The following OXR1 variants were observed in gnomAD, a reference collection of about 807,000 sequenced individuals.
OXR1 encodes the protein oxidation resistance protein 1.
OXR1 carries 41 observed loss-of-function variants against 104.6 expected under a neutral mutation model. That is an observed-to-expected ratio of 0.39 (90% confidence interval 0.31 to 0.51). OXR1 has a LOEUF of 0.51. Among genes scored for constraint, OXR1 ranks in the 20% least tolerant of loss-of-function variants. The pLI, the probability that OXR1 is intolerant of heterozygous loss-of-function variation, is 0.77. For synonymous variants in OXR1, 348 were observed against 348.4 expected (o/e 1.00, Z 0.01); for missense variants, 955 against 1,031.9 (o/e 0.93, Z 1.02).
chr8:106,311,508 G>C (rs1239587821), intron 1 of OXR1, among the ~76,000 whole-genome samples: 1 of 152,078 alleles, frequency 6.6e-6, no homozygotes, highest in Non-Finnish European at 1.5e-5. Flanking sequence ...TTTTTGTCCT[G>C]TGTGTGTTAA....
intron 2 of OXR1, among the ~76,000 whole-genome samples, chr8:106,384,896 G>A (rs1216266865): frequency 3.3e-5 from 5 of 151,664 alleles, no homozygotes; most frequent in African/African-American, 9.7e-5. Flanking sequence ...CATATTGTTA[G>A]TAGAGATGGG....
intron 2 of OXR1, among the ~76,000 whole-genome samples, chr8:106,391,170 G>T (rs941066037): frequency 2.6e-5 from 4 of 152,118 alleles, no homozygotes; most frequent in African/African-American, 7.2e-5. Context: ...GATGTGTGAT[G>T]ACTTGATAAT....
intron 3 of OXR1, chr8:106,658,153 G>A (rs1333591007): frequency 3.2e-6 from 4 of 1,245,054 alleles, no homozygotes; most frequent in Admixed American, 4.2e-5. Context: ...CCGCCCCACC[G>A]GCCCCCGGCG....
chr8:106,602,215 T>A (rs985807734), intron 3 of OXR1, among the ~76,000 whole-genome samples: 2 of 152,182 alleles, frequency 1.3e-5, no homozygotes, highest in African/African-American at 4.8e-5. Flanking sequence ...AATTGTTTTT[T>A]CTAAGCCACT....
At chr8:106,471,043 C>G (rs947307538) in intron 2 of OXR1, among the ~76,000 whole-genome samples, 12 of 151,590 alleles carry the variant, frequency 7.9e-5, no homozygotes, top group African/African-American at 2.7e-4. Flanking sequence ...AATATGAGTC[C>G]ATGCTTTTGA....
chr8:106,343,152 T>G lies in OXR1; in HGVS notation c.-138-16324T>G, dbSNP rs370786331. 1.1e-4 allele frequency among the ~76,000 whole-genome samples: 17 copies of G among 152,300 alleles called. 1 individual carries two copies. The highest frequency in any genetic ancestry group is 4.1e-4 in the African/African-American group (17 of 41,568). On this transcript the variant is annotated intron_variant, in intron 1 of 16. Coordinates refer to ENST00000517566, the MANE Select transcript of OXR1 (RefSeq NM_001198533.2). ...AGATTGTTATAATCTTCTCCCAGTTTGTCCTCCTGCCTTCTGTCAGACTCA... is the reference window on the plus strand; with the variant it reads ...AGATTGTTATAATCTTCTCCCAGTTGGTCCTCCTGCCTTCTGTCAGACTCA...
chr8:106,300,405 G>C (rs949577158), intron 1 of OXR1, among the ~76,000 whole-genome samples: 1 of 151,894 alleles, frequency 6.6e-6, no homozygotes, highest in African/African-American at 2.4e-5. Context: ...CATTTGGATA[G>C]AGTGACCTAG....
intron 2 of OXR1, among the ~76,000 whole-genome samples, chr8:106,363,963 G>A (rs901128440): frequency 4.6e-5 from 7 of 151,968 alleles, no homozygotes; most frequent in African/African-American, 1.4e-4. Flanking sequence ...TTAGAAAAGG[G>A]TCCATTATGT....
chr8:106,438,126 A>C (rs1017177556), intron 2 of OXR1, among the ~76,000 whole-genome samples: 4 of 152,162 alleles, frequency 2.6e-5, no homozygotes, highest in Admixed American at 6.6e-5. Context: ...CGTACATTGT[A>C]ATATGTGTGG....
chr8:106,506,889 A>G (rs1223800759), intron 2 of OXR1, among the ~76,000 whole-genome samples: 2 of 152,018 alleles, frequency 1.3e-5, no homozygotes, highest in Admixed American at 6.6e-5. Flanking sequence ...TCAGGAATTC[A>G]AGACCAAGCT....
intron 2 of OXR1, among the ~76,000 whole-genome samples, chr8:106,428,755 A>G (rs1294506437): frequency 2.0e-5 from 3 of 152,286 alleles, no homozygotes; most frequent in African/African-American, 7.2e-5. Context: ...AAACTGTCTA[A>G]TGACTGGATA....
intron 3 of OXR1, among the ~76,000 whole-genome samples, chr8:106,631,388 T>G (rs1263284439): frequency 2.0e-5 from 3 of 152,232 alleles, no homozygotes; most frequent in African/African-American, 7.2e-5. Flanking sequence ...GATGTTAACC[T>G]GTTGTTTTAC....
intron 2 of OXR1, among the ~76,000 whole-genome samples, chr8:106,363,238 TA>T (rs1182751770): frequency 3.3e-5 from 5 of 152,346 alleles, no homozygotes; most frequent in Admixed American, 1.3e-4. Flanking sequence ...GGAGCTCATT[TA>T]TAAGCCAGAA....
At chr8:106,288,602 C>T (rs13272635) in intron 1 of OXR1, among the ~76,000 whole-genome samples, 23 of 146,684 alleles carry the variant, frequency 1.6e-4, no homozygotes, top group African/African-American at 5.0e-4. Context: ...CATATATATA[C>T]TCTCTATATA....
intron 2 of OXR1, among the ~76,000 whole-genome samples, chr8:106,431,650 T>C (rs1328754766): frequency 6.6e-6 from 1 of 152,216 alleles, no homozygotes; most frequent in Non-Finnish European, 1.5e-5. Flanking sequence ...ATGAGGACTT[T>C]ATTTTGCTCT....
At chr8:106,658,022 G>T in intron 3 of OXR1, 1 of 1,248,508 alleles carries the variant, frequency 8.0e-7, no homozygotes, top group Non-Finnish European at 1.0e-6. Context: ...AGAAGAGTGG[G>T]CGCCTTCTGC....
intron 3 of OXR1, among the ~76,000 whole-genome samples, chr8:106,581,470 G>A (rs899822996): frequency 1.3e-5 from 2 of 151,408 alleles, no homozygotes; most frequent in Non-Finnish European, 2.9e-5. Flanking sequence ...AAGAATATGT[G>A]TGTTGTCAGT....
chr8:106,722,120 CAT>C (rs1349389578), intron 11 of OXR1, among the ~76,000 whole-genome samples: 4 of 152,122 alleles, frequency 2.6e-5, no homozygotes, highest in African/African-American at 9.7e-5. Context: ...TTTTATTAAA[CAT>C]ATGTTTTCTA....
At chr8:106,513,853 G>C (rs1488524648) in intron 2 of OXR1, among the ~76,000 whole-genome samples, 1 of 152,098 alleles carries the variant, frequency 6.6e-6, no homozygotes, top group African/African-American at 2.4e-5. Flanking sequence ...TTTTATACCC[G>C]TTTTATAGAT....
Sources: gnomAD v4.1 joint callset for allele counts (sites outside exome capture counted in the v4.1 genomes callset) on GRCh38, gnomAD v4.1.1 for gene constraint, MANE v1.5 for transcripts, NCBI Gene and HGNC (gene_info 2026-07-23, HGNC 2026-07-21) for gene names.